MAPK10: variants seen among roughly 807,000 people sequenced by gnomAD.
MAPK10 encodes JNK3 alpha protein kinase.
MAPK10 carries 25 observed loss-of-function variants against 59.3 expected under a neutral mutation model. The ratio of observed to expected loss-of-function variants is 0.42; its 90% CI spans 0.31 to 0.59. MAPK10 has a LOEUF of 0.59. Ranked by LOEUF, MAPK10 falls within the 20% of genes least tolerant of loss-of-function variation. The pLI, the probability that MAPK10 is intolerant of heterozygous loss-of-function variation, is 0.15. For missense variants in MAPK10, 351 were observed against 568.9 expected (o/e 0.62, Z 3.90); for synonymous variants, 190 against 200.5 (o/e 0.95, Z 0.44).
At chr4:86,552,579 A>G (rs750905514) in intron 1 of MAPK10, among the ~76,000 whole-genome samples, 5 of 151,940 alleles carry the variant, frequency 3.3e-5, no homozygotes, top group South Asian at 4.2e-4. Flanking sequence ...AATAAAAAGG[A>G]AAGAATATGC....
At chr4:86,308,336 T>A (rs919297457) in intron 2 of MAPK10, among the ~76,000 whole-genome samples, 4 of 152,194 alleles carry the variant, frequency 2.6e-5, no homozygotes, top group Non-Finnish European at 5.9e-5. Flanking sequence ...TTTTTATCAT[T>A]TCATTTTCTT....
At chr4:86,367,140 T>C (rs1738026932) in intron 1 of MAPK10, among the ~76,000 whole-genome samples, 1 of 152,070 alleles carries the variant, frequency 6.6e-6, no homozygotes. Context: ...CTTTCAACAG[T>C]TAGATTATTA....
chr4:86,227,585 C>A (rs1476126637), intron 2 of MAPK10, among the ~76,000 whole-genome samples: 1 of 151,856 alleles, frequency 6.6e-6, no homozygotes, highest in African/African-American at 2.4e-5. Flanking sequence ...CTGTCAGCAA[C>A]GTCAATTACA....
At chr4:86,266,117 A>G (rs536087001) in intron 2 of MAPK10, among the ~76,000 whole-genome samples, 1 of 152,298 alleles carries the variant, frequency 6.6e-6, no homozygotes, top group Non-Finnish European at 1.5e-5. Context: ...GAACTTTGTG[A>G]AATTTCCCTG....
rs565218307 is a variant in MAPK10, at chr4:86,265,010, G to A, written c.-6-70603C>T. On this transcript the variant is annotated intron_variant, in intron 2 of 13. Transcript: ENST00000641462. ...GGGTTCAAGCAATTCACCTGCCTCA[G>A]CCTCCAAGTAGCTGGGATTACAGGT... is the stretch of plus-strand genomic sequence containing the variant. Among the ~76,000 whole-genome samples, 4 of 149,670 alleles carry A rather than the reference G, an allele frequency of 2.7e-5. No individual in the cohort carries two copies. In the East Asian group the frequency reaches 8.1e-4, roughly 30 times the overall value.
chr4:86,131,232 A>G (rs902482757), intron 4 of MAPK10, among the ~76,000 whole-genome samples: 3 of 152,192 alleles, frequency 2.0e-5, no homozygotes, highest in Non-Finnish European at 4.4e-5. Context: ...ATTTTGATAG[A>G]TGAAAAACAC....
intron 1 of MAPK10, among the ~76,000 whole-genome samples, chr4:86,560,102 C>G (rs924686836): frequency 6.6e-6 from 1 of 151,870 alleles, no homozygotes; most frequent in Non-Finnish European, 1.5e-5. Context: ...CAGCAGTAAC[C>G]ATTTTGCTTC....
intron 11 of MAPK10, among the ~76,000 whole-genome samples, chr4:86,060,338 C>G (rs1226112704): frequency 6.6e-6 from 1 of 152,166 alleles, no homozygotes; most frequent in Non-Finnish European, 1.5e-5. Context: ...AAAATGGAGC[C>G]TTTTGTAAGG....
chr4:86,244,864 TTTC>T (rs1714760951), intron 2 of MAPK10, among the ~76,000 whole-genome samples: 1 of 152,192 alleles, frequency 6.6e-6, no homozygotes, highest in Admixed American at 6.5e-5. Flanking sequence ...TCTGAGAAAT[TTTC>T]TTTTTAAAAC....
chr4:86,047,626 TTG>T (rs898671465), intron 11 of MAPK10, among the ~76,000 whole-genome samples: 4 of 152,134 alleles, frequency 2.6e-5, no homozygotes, highest in Admixed American at 6.6e-5. Flanking sequence ...GGTTTTTCTT[TTG>T]TGTGTGTGTA....
At chr4:86,389,377 TAATAC>T (rs1414585235) in intron 1 of MAPK10, among the ~76,000 whole-genome samples, 1 of 152,226 alleles carries the variant, frequency 6.6e-6, no homozygotes, top group Non-Finnish European at 1.5e-5. Context: ...AAAAATGGAT[TAATAC>T]AATATGATCT....
At chr4:86,507,672 A>ATATATATACATATATATATAT (rs1755900721) in intron 1 of MAPK10, among the ~76,000 whole-genome samples, 1 of 116,680 alleles carries the variant, frequency 8.6e-6, no homozygotes, top group Non-Finnish European at 1.8e-5. Flanking sequence ...ATATATATAT[A>ATATATATACATATATATATAT]AAATCATGTG....
At chr4:86,561,106 G>C (rs1578120683) in intron 1 of MAPK10, among the ~76,000 whole-genome samples, 1 of 152,298 alleles carries the variant, frequency 6.6e-6, no homozygotes, top group East Asian at 1.9e-4. Flanking sequence ...CTCCTAAGGA[G>C]TGTACAACCT....
chr4:86,407,053 C>T (rs1384126662), intron 1 of MAPK10, among the ~76,000 whole-genome samples: 1 of 152,146 alleles, frequency 6.6e-6, no homozygotes, highest in African/African-American at 2.4e-5. Flanking sequence ...GGTATGGCCA[C>T]TCCTGGATTC....
chr4:86,141,830 G>C (rs1315459222), intron 4 of MAPK10, among the ~76,000 whole-genome samples: 2 of 152,276 alleles, frequency 1.3e-5, no homozygotes, highest in African/African-American at 4.8e-5. Flanking sequence ...CCTGAGACTG[G>C]GTAATTGAAA....
intron 3 of MAPK10, among the ~76,000 whole-genome samples, chr4:86,187,399 A>G (rs2078511554): frequency 1.3e-5 from 2 of 152,152 alleles, no homozygotes; most frequent in Non-Finnish European, 2.9e-5. Context: ...GTGCTGCACA[A>G]CCTAAGTGGG....
chr4:86,037,484 C>A (rs992068363), intron 11 of MAPK10, among the ~76,000 whole-genome samples: 11 of 151,502 alleles, frequency 7.3e-5, no homozygotes, highest in Non-Finnish European at 1.6e-4. Context: ...CACACCACTG[C>A]ATTCCAGCCT....
intron 1 of MAPK10, among the ~76,000 whole-genome samples, chr4:86,557,084 C>A (rs1196066211): frequency 6.6e-6 from 1 of 151,716 alleles, no homozygotes; most frequent in East Asian, 1.9e-4. Context: ...AATTCCATGG[C>A]TATCAATCTT....
At chr4:86,230,134 C>G (rs1335742888) in intron 2 of MAPK10, among the ~76,000 whole-genome samples, 1 of 151,924 alleles carries the variant, frequency 6.6e-6, no homozygotes, top group Non-Finnish European at 1.5e-5. Context: ...TCAATCATGC[C>G]TTAGAAAAAA....
Sources: gnomAD v4.1 joint callset for allele counts (sites outside exome capture counted in the v4.1 genomes callset) on GRCh38, gnomAD v4.1.1 for gene constraint, MANE v1.5 for transcripts, NCBI Gene and HGNC (gene_info 2026-07-23, HGNC 2026-07-21) for gene names.